Variants in KLHL29 observed in about 807,000 individuals in gnomAD.
KLHL29 encodes the protein kelch-like protein 29.
In KLHL29, 21 loss-of-function variants were observed where a neutral mutation model predicts 80.4. The ratio of observed to expected loss-of-function variants is 0.26; its 90% CI spans 0.19 to 0.38. KLHL29 has a LOEUF of 0.38. KLHL29 is among the 10% of genes least tolerant of loss of function. The probability of loss-of-function intolerance (pLI) is 1.00; values close to 1 mark genes in which losing one functional copy is unlikely to be tolerated. For synonymous variants in KLHL29, 511 were observed against 526.8 expected, an observed-to-expected ratio of 0.97 and a Z score of 0.41; for missense variants, 867 against 1,223.9, an observed-to-expected ratio of 0.71 and a Z score of 4.35.
chr2:23,434,974 GAAACTGATGTCATT>G (rs1231682125), intron 1 of KLHL29, among the ~76,000 whole-genome samples: 2 of 152,334 alleles, frequency 1.3e-5, no homozygotes, highest in Non-Finnish European at 2.9e-5. Flanking sequence ...GCTGGCTGAG[GAAACTGATGTCATT>G]GGCATAAACA....
intron 3 of KLHL29, among the ~76,000 whole-genome samples, chr2:23,627,045 G>C (rs563463997): frequency 2.3e-4 from 35 of 152,190 alleles, no homozygotes; most frequent in African/African-American, 8.2e-4. Flanking sequence ...TCCCCGCCCC[G>C]CTCCTCCCCA....
intron 3 of KLHL29, among the ~76,000 whole-genome samples, chr2:23,623,084 T>G (rs776852480): frequency 1.3e-5 from 2 of 152,150 alleles, no homozygotes; most frequent in Non-Finnish European, 2.9e-5. Flanking sequence ...CAAGAGCTGG[T>G]CACAGGTGGA....
intron 2 of KLHL29, among the ~76,000 whole-genome samples, chr2:23,560,334 G>T (rs2018271): frequency 0.16 from 21,006 of 130,064 alleles, 2,289 homozygotes; most frequent in Admixed American, 0.33. Context: ...GCAATATCGC[G>T]ATCTCAGCTC....
intron 3 of KLHL29, among the ~76,000 whole-genome samples, chr2:23,594,508 A>C (rs367747972): frequency 6.6e-6 from 1 of 152,184 alleles, no homozygotes; most frequent in East Asian, 1.9e-4. Flanking sequence ...CTGTAAACAC[A>C]TTAAAAATGG....
intron 1 of KLHL29, among the ~76,000 whole-genome samples, chr2:23,450,408 C>G (rs1663842141): frequency 1.3e-5 from 2 of 152,116 alleles, no homozygotes; most frequent in Admixed American, 1.3e-4. Flanking sequence ...TTATAGGGCT[C>G]TCCGGTGGCT....
chr2:23,596,330 C>T lies in KLHL29; in HGVS notation c.285+33849C>T, dbSNP rs1668393097. ...CATTTTGCAAGGGTTTTCTTGAGTT[C>T]TCCTCCAGGCTTCAGCTACCAACAC... On this transcript the variant is annotated intron_variant, in intron 3 of 13. Transcript: ENST00000486442. This position sits in a 1 kb window ranked among gnomAD's most constrained non-coding sequence, Gnocchi z 4.4. 6.6e-6 allele frequency among the ~76,000 whole-genome samples: 1 copy of T among 152,152 alleles called. No individual in the cohort carries two copies. The highest frequency in any genetic ancestry group is 6.5e-5 in the Admixed American group (1 of 15,280).
At chr2:23,416,032 A>T (rs911599543) in intron 1 of KLHL29, among the ~76,000 whole-genome samples, 1 of 152,088 alleles carries the variant, frequency 6.6e-6, no homozygotes, top group Non-Finnish European at 1.5e-5. Flanking sequence ...CTAGAGGCAG[A>T]TCCTAAATCA....
rs1404749572 is a variant in KLHL29 at position 23,684,534 on chromosome 2, A to G, written c.1076A>G (p.Gln359Arg). 2 of 1,545,170 alleles carry G rather than the reference A, an allele frequency of 1.3e-6. No homozygotes were observed. Among genetic ancestry groups the G allele is most frequent in the Non-Finnish European group, 1.7e-6 (2 of 1,145,150 alleles). The change falls in exon 6 of 14, where the codon CAA becomes CGA. Residue 359 changes from glutamine (Q) to arginine (R), a missense_variant. Gln to Arg is a conservative substitution (Grantham distance 43, BLOSUM62 1). This residue lies in a region of KLHL29 where 443 missense variants were observed against 767.0 expected (regional missense o/e 0.58). Transcript: ENST00000486442. The surrounding 1 kb of genome is among the most constrained non-coding windows in gnomAD (Gnocchi z 4.4). ...SCSLYFKDLIQRSVQDSGQGG... is the reference protein window; with the variant it reads ...SCSLYFKDLIRRSVQDSGQGG... ...AGCTTGTATTTCAAGGACCTGATTC[A>G]AAGGTTTGCCTTCCTTCCAGCTGTG...
rs1402701933 is a variant in KLHL29, at chr2:23,393,552, AAAAAATG to A, written c.-154+7776_-154+7782del. Among the ~76,000 whole-genome samples the A allele has an allele frequency of 3.3e-5, 5 of 152,332 alleles. No individual in the cohort carries two copies. The East Asian group carries it at 9.6e-4, about 29-fold the overall frequency. On this transcript the variant is annotated intron_variant, in intron 1 of 13. Coordinates refer to ENST00000486442, the MANE Select transcript of KLHL29 (RefSeq NM_052920.2). ...AGTTCACAAAAGCATCGTTTTAAGGAAAAAATGAAACACCTGGAAATCACAGAGGCAC... is the reference window on the plus strand; with the variant it reads ...AGTTCACAAAAGCATCGTTTTAAGGAAAACACCTGGAAATCACAGAGGCAC...
At chr2:23,427,734 ATATTT>A (rs1663043300) in intron 1 of KLHL29, among the ~76,000 whole-genome samples, 1 of 152,228 alleles carries the variant, frequency 6.6e-6, no homozygotes, top group South Asian at 2.1e-4. Context: ...CTACTGGGAA[ATATTT>A]TAAGATAAAA....
intron 5 of KLHL29, among the ~76,000 whole-genome samples, chr2:23,658,296 AC>A (rs1028633291): frequency 2.0e-5 from 3 of 151,800 alleles, no homozygotes; most frequent in African/African-American, 7.3e-5. Flanking sequence ...TGTGAGGAAA[AC>A]CCCCTGAGCC....
At chr2:23,622,602 C>G (rs996745518) in intron 3 of KLHL29, among the ~76,000 whole-genome samples, 1 of 152,206 alleles carries the variant, frequency 6.6e-6, no homozygotes, top group Non-Finnish European at 1.5e-5. Flanking sequence ...GTGACTCCTC[C>G]CAGCCCTGAA....
intron 3 of KLHL29, among the ~76,000 whole-genome samples, chr2:23,601,367 G>A (rs538677089): frequency 6.6e-6 from 1 of 152,342 alleles, no homozygotes; most frequent in African/African-American, 2.4e-5. Context: ...AGCTGGGCTT[G>A]TGAATTTATA....
intron 2 of KLHL29, among the ~76,000 whole-genome samples, chr2:23,516,466 A>G (rs1015301992): frequency 5.9e-5 from 9 of 151,732 alleles, no homozygotes; most frequent in Admixed American, 2.0e-4. Context: ...AACTGGACGC[A>G]CTCCTTTCTC....
chr2:23,569,971 A>G (rs997019182), intron 3 of KLHL29, among the ~76,000 whole-genome samples: 1 of 152,190 alleles, frequency 6.6e-6, no homozygotes, highest in African/African-American at 2.4e-5. Context: ...ATGTAACTTA[A>G]TGGATTACCA....
chr2:23,644,070 T>G (rs548264299), intron 5 of KLHL29: 2 of 152,218 alleles, frequency 1.3e-5, no homozygotes, highest in Non-Finnish European at 2.9e-5. Context: ...ATAAAGCTCA[T>G]GTCTGGATCT....
At chr2:23,458,150 C>CTTTGA (rs1664114146) in intron 1 of KLHL29, among the ~76,000 whole-genome samples, 1 of 152,194 alleles carries the variant, frequency 6.6e-6, no homozygotes, top group Non-Finnish European at 1.5e-5. Context: ...AGAGAGGGCC[C>CTTTGA]GTTTGAGTCA....
At chr2:23,609,180 G>A (rs1008792695) in intron 3 of KLHL29, among the ~76,000 whole-genome samples, 39 of 152,140 alleles carry the variant, frequency 2.6e-4, no homozygotes, top group Non-Finnish European at 1.0e-4. Context: ...GAACATGAGG[G>A]TAAATAGAAC....
chr2:23,391,037 G>T (rs755827994), intron 1 of KLHL29, among the ~76,000 whole-genome samples: 5 of 152,136 alleles, frequency 3.3e-5, no homozygotes, highest in Non-Finnish European at 5.9e-5. Context: ...GTCTATACCC[G>T]TTAAACATCA....
Sources: gnomAD v4.1 joint callset for allele counts (sites outside exome capture counted in the v4.1 genomes callset) on GRCh38, gnomAD v4.1.1 for gene constraint, gnomAD v4.1.1 regional missense constraint, Gnocchi (gnomAD v3.1) non-coding constraint, MANE v1.5 for transcripts, NCBI Gene and HGNC (gene_info 2026-07-23, HGNC 2026-07-21) for gene names.